The following DIS3L2 variants were observed in gnomAD, a reference collection of about 807,000 sequenced individuals.
DIS3L2 encodes DIS3-like exonuclease 2.
In DIS3L2, 34 loss-of-function variants were observed where a neutral mutation model predicts 97.5. The observed-to-expected ratio is 0.35, with a 90% CI of 0.27 to 0.46. The LOEUF (loss-of-function observed/expected upper bound fraction) is 0.46, where lower values mean the gene tolerates loss of function less well. Among genes scored for constraint, DIS3L2 ranks in the 20% least tolerant of loss-of-function variants. The pLI is 1.00. For synonymous variants in DIS3L2, 435 were observed against 445.2 expected (o/e 0.98, Z 0.29); for missense variants, 1,038 against 1,146.0 (o/e 0.91, Z 1.36).
Position 232,269,959 on chromosome 2 carries a change from G to A in DIS3L2, c.1659+6519G>A, listed in dbSNP as rs1693941541. On this transcript the variant is annotated intron_variant, in intron 13 of 20. Coordinates refer to ENST00000325385, the MANE Select transcript of DIS3L2 (RefSeq NM_152383.5). The surrounding 1 kb of genome is among the most constrained non-coding windows in gnomAD (Gnocchi z 4.5). ...GGGCCTAACCTGAGGTAGGGACCGT[G>A]GGGTGAGAGAAGATGATGGACCGAC... 6.6e-6 allele frequency among the ~76,000 whole-genome samples: 1 copy of A among 152,200 alleles called. No homozygotes were observed. The highest frequency in any genetic ancestry group is 6.5e-5 in the Admixed American group (1 of 15,280).
chr2:232,054,784 G>T (rs949290092), intron 5 of DIS3L2, among the ~76,000 whole-genome samples: 1 of 152,126 alleles, frequency 6.6e-6, no homozygotes, highest in African/African-American at 2.4e-5. Context: ...ATATCAAAAC[G>T]TGACAAAGAT....
intron 8 of DIS3L2, among the ~76,000 whole-genome samples, chr2:232,160,603 T>TC (rs1690619770): frequency 6.6e-6 from 1 of 152,094 alleles, no homozygotes; most frequent in Middle Eastern, 3.2e-3. Context: ...GAGCCAGGTG[T>TC]GGTGGCTCAA....
chr2:232,248,090 A>C (rs1489182013), intron 11 of DIS3L2, among the ~76,000 whole-genome samples: 2 of 152,252 alleles, frequency 1.3e-5, no homozygotes, highest in African/African-American at 4.8e-5. Flanking sequence ...AGAATTTACT[A>C]TTCCATACCA....
intron 5 of DIS3L2, among the ~76,000 whole-genome samples, chr2:232,036,520 G>T (rs940860603): frequency 2.0e-5 from 3 of 152,132 alleles, no homozygotes; most frequent in Non-Finnish European, 1.5e-5. Context: ...GCCTACTTCT[G>T]CCAGTTCGTC....
intron 8 of DIS3L2, among the ~76,000 whole-genome samples, chr2:232,138,377 A>G (rs986953450): frequency 6.6e-5 from 10 of 152,232 alleles, no homozygotes; most frequent in African/African-American, 2.4e-4. Flanking sequence ...AATCATATTT[A>G]GATGGAAACA....
chr2:232,220,694 G>A (rs902309505), intron 10 of DIS3L2, among the ~76,000 whole-genome samples: 3 of 151,418 alleles, frequency 2.0e-5, no homozygotes, highest in South Asian at 2.1e-4. Context: ...GTGACAAAGC[G>A]AGACTCCATC....
At chr2:232,075,971 C>T (rs1696173738) in intron 5 of DIS3L2, among the ~76,000 whole-genome samples, 1 of 152,204 alleles carries the variant, frequency 6.6e-6, no homozygotes, top group Non-Finnish European at 1.5e-5. Context: ...TTCAAAGAAA[C>T]TGCTTTTCCA....
intron 14 of DIS3L2, among the ~76,000 whole-genome samples, chr2:232,314,708 T>A (rs921134302): frequency 3.3e-5 from 5 of 152,270 alleles, no homozygotes; most frequent in African/African-American, 1.2e-4. Context: ...ATTTCCTGTC[T>A]GTCACGTTGC....
chr2:232,188,532 A>G (rs1174626837), intron 9 of DIS3L2, among the ~76,000 whole-genome samples: 3 of 152,256 alleles, frequency 2.0e-5, no homozygotes, highest in African/African-American at 7.2e-5. Flanking sequence ...ATAGGCAAAT[A>G]AATGAACTTC....
Position 232,281,855 on chromosome 2 carries a change from G to A in DIS3L2, c.1660-18185G>A, listed in dbSNP as rs533291302. Among the ~76,000 whole-genome samples the A allele has an allele frequency of 7.9e-5, 12 of 152,168 alleles. No individual in the cohort carries two copies. The highest frequency in any genetic ancestry group is 2.9e-4 in the African/African-American group (12 of 41,534). The stretch of plus-strand genomic sequence containing the variant: ...CTGCTCCTCTTCTACCTTGCCACAG[G>A]CTGCTGCCTCTGAGTTAAAGAGACA... On this transcript the variant is annotated intron_variant, in intron 13 of 20. Transcript: ENST00000325385. This position sits in a 1 kb window ranked among gnomAD's most constrained non-coding sequence, Gnocchi z 4.1.
At chr2:232,274,958 G>A (rs1373265072) in intron 13 of DIS3L2, among the ~76,000 whole-genome samples, 3 of 152,140 alleles carry the variant, frequency 2.0e-5, no homozygotes, top group African/African-American at 7.2e-5. Context: ...CTGTGAGAAC[G>A]ACTGGATTTC....
rs866707960 is a variant in DIS3L2 at position 232,336,297 on chromosome 2, T to C, written c.2497-172T>C. 1.9e-6 allele frequency: 3 copies of C among 1,546,922 alleles called. No homozygotes were observed. The African/African-American group carries it at 4.1e-5, about 21-fold the overall frequency. On this transcript the variant is annotated intron_variant, in intron 20 of 20. Transcript: ENST00000325385. ...CAGGATGCATCTGACTCCCCAACTC[T>C]GCCCTGACCCAGGGCATTCTTCCTG...
chr2:231,979,933 A>G (rs535311103), intron 1 of DIS3L2, among the ~76,000 whole-genome samples: 3 of 152,210 alleles, frequency 2.0e-5, no homozygotes, highest in East Asian at 1.9e-4. Flanking sequence ...CAGGTGTGCT[A>G]TTACCATTTG....
intron 1 of DIS3L2, among the ~76,000 whole-genome samples, chr2:232,009,872 G>T (rs1694148617): frequency 6.6e-6 from 1 of 152,182 alleles, no homozygotes; most frequent in African/African-American, 2.4e-5. Flanking sequence ...GCAAACTCAA[G>T]TTAGCTGTAA....
At chr2:232,140,556 A>G (rs1055605543) in intron 8 of DIS3L2, among the ~76,000 whole-genome samples, 2 of 152,216 alleles carry the variant, frequency 1.3e-5, no homozygotes, top group African/African-American at 4.8e-5. Flanking sequence ...ATGGCATACA[A>G]CAAGTATAAA....
At chr2:232,143,444 A>G (rs1033461268) in intron 8 of DIS3L2, among the ~76,000 whole-genome samples, 5 of 152,154 alleles carry the variant, frequency 3.3e-5, no homozygotes, top group East Asian at 1.9e-4. Flanking sequence ...AAATAACTCT[A>G]TGGAGGAAAA....
chr2:232,302,456 C>T (rs1202408729), intron 14 of DIS3L2, among the ~76,000 whole-genome samples: 2 of 151,670 alleles, frequency 1.3e-5, no homozygotes, highest in African/African-American at 4.8e-5. Context: ...CTCTGGTTCT[C>T]TCTTGCTTGT....
chr2:232,337,608 C>T (rs1195689014), downstream of DIS3L2, among the ~76,000 whole-genome samples: 1 of 152,132 alleles, frequency 6.6e-6, no homozygotes, highest in African/African-American at 2.4e-5. Context: ...TACTCCTTCC[C>T]CCTCCGTGGG....
rs1392728178 is a variant in DIS3L2, at chr2:232,325,605, C to A, written c.1740-4208C>A. Reference sequence around the variant, plus strand: ...CAGCCACTGTCACAGCACAGCCCCACCCCAGACCTCCAGAGTGGTGGGGCC... The same window carrying A: ...CAGCCACTGTCACAGCACAGCCCCAACCCAGACCTCCAGAGTGGTGGGGCC... On this transcript the variant is annotated intron_variant, in intron 14 of 20. Coordinates refer to ENST00000325385, the MANE Select transcript of DIS3L2 (RefSeq NM_152383.5). The surrounding 1 kb of genome is among the most constrained non-coding windows in gnomAD (Gnocchi z 4.6). Among the ~76,000 whole-genome samples, 1 of 152,210 alleles carries A rather than the reference C, an allele frequency of 6.6e-6. No individual in the cohort carries two copies. Among genetic ancestry groups the A allele is most frequent in the Non-Finnish European group, 1.5e-5 (1 of 68,036 alleles).
Sources: gnomAD v4.1 joint callset for allele counts (sites outside exome capture counted in the v4.1 genomes callset) on GRCh38, gnomAD v4.1.1 for gene constraint, Gnocchi (gnomAD v3.1) non-coding constraint, MANE v1.5 for transcripts, NCBI Gene and HGNC (gene_info 2026-07-23, HGNC 2026-07-21) for gene names.